STXBP6: variants seen among roughly 807,000 people sequenced by gnomAD.
The protein encoded by STXBP6 is syntaxin binding protein 6.
Under a neutral mutation model 26.9 loss-of-function variants are expected in STXBP6, and 21 were observed. The observed-to-expected ratio is 0.78, with a 90% CI of 0.55 to 1.12. The LOEUF (loss-of-function observed/expected upper bound fraction) is 1.12, where lower values mean the gene tolerates loss of function less well. STXBP6 is among the 50% of genes most tolerant of loss of function. The probability of loss-of-function intolerance (pLI) is 0.00; values close to 1 mark genes in which losing one functional copy is unlikely to be tolerated. For missense variants in STXBP6, 232 were observed against 257.9 expected (o/e 0.90, Z 0.69); for synonymous variants, 97 against 92.6 (o/e 1.05, Z -0.27).
chr14:24,876,765 G>C (rs754028902), intron 2 of STXBP6, among the ~76,000 whole-genome samples: 2 of 152,176 alleles, frequency 1.3e-5, no homozygotes, highest in Non-Finnish European at 2.9e-5. Context: ...GGTCTGCGAA[G>C]GCACTTACTG....
At chr14:25,028,431 A>T (rs2075389028) in intron 1 of STXBP6, among the ~76,000 whole-genome samples, 1 of 152,170 alleles carries the variant, frequency 6.6e-6, no homozygotes, top group Non-Finnish European at 1.5e-5. Context: ...GGAACAACAA[A>T]GCCTAGATGA....
intron 1 of STXBP6, among the ~76,000 whole-genome samples, chr14:25,015,695 T>C (rs2075132985): frequency 1.3e-5 from 2 of 152,140 alleles, no homozygotes; most frequent in Admixed American, 6.5e-5. Context: ...AGAAATTTGG[T>C]GTGGATAATT....
At chr14:24,846,478 C>G (rs2068966031) in intron 4 of STXBP6, among the ~76,000 whole-genome samples, 2 of 152,132 alleles carry the variant, frequency 1.3e-5, no homozygotes, top group Admixed American at 1.3e-4. Flanking sequence ...GTTTATTTGT[C>G]TACATACCAT....
chr14:24,973,223 T>C (rs892420794), intron 2 of STXBP6, among the ~76,000 whole-genome samples: 2 of 152,212 alleles, frequency 1.3e-5, no homozygotes, highest in Non-Finnish European at 2.9e-5. Context: ...ATTGAGGCCC[T>C]AGAATATGCC....
At chr14:25,036,214 CAAAAAAAAAAA>C (rs559433301) in intron 1 of STXBP6, among the ~76,000 whole-genome samples, 35 of 80,718 alleles carry the variant, frequency 4.3e-4, no homozygotes, top group African/African-American at 9.8e-4. Context: ...AAGACTCCAT[CAAAAAAAAAAA>C]AAAAAAAAAA....
At chr14:24,973,287 T>A (rs914696309) in intron 2 of STXBP6, among the ~76,000 whole-genome samples, 3 of 152,058 alleles carry the variant, frequency 2.0e-5, no homozygotes, top group African/African-American at 7.2e-5. Context: ...AATAACCCAA[T>A]TTTTTTATTA....
At chr14:24,933,639 T>C (rs898387779) in intron 2 of STXBP6, among the ~76,000 whole-genome samples, 1 of 152,204 alleles carries the variant, frequency 6.6e-6, no homozygotes, top group Admixed American at 6.5e-5. Context: ...CCTTGGGAAC[T>C]GAGATTATCT....
chr14:25,019,016 T>TAGG (rs760910704), intron 1 of STXBP6, among the ~76,000 whole-genome samples: 17 of 152,188 alleles, frequency 1.1e-4, no homozygotes, highest in Non-Finnish European at 2.4e-4. Flanking sequence ...CTCGGTAGGC[T>TAGG]TCTACCTCAT....
intron 1 of STXBP6, among the ~76,000 whole-genome samples, chr14:25,038,325 T>G (rs1210238720): frequency 6.6e-6 from 1 of 152,190 alleles, no homozygotes; most frequent in Non-Finnish European, 1.5e-5. Context: ...TCACTAAAGC[T>G]GAACATATTC....
At chr14:24,869,435 A>T (rs2069846797) in intron 2 of STXBP6, among the ~76,000 whole-genome samples, 1 of 152,180 alleles carries the variant, frequency 6.6e-6, no homozygotes, top group South Asian at 2.1e-4. Flanking sequence ...CATTCCCGAA[A>T]TAAATGATGC....
At chr14:24,911,486 G>T (rs1287588994) in intron 2 of STXBP6, among the ~76,000 whole-genome samples, 1 of 151,972 alleles carries the variant, frequency 6.6e-6, no homozygotes, top group African/African-American at 2.4e-5. Flanking sequence ...GCAGGAGGAT[G>T]TCCAAAGAAA....
intron 4 of STXBP6, among the ~76,000 whole-genome samples, chr14:24,842,531 G>C (rs1434154869): frequency 6.6e-6 from 1 of 152,130 alleles, no homozygotes; most frequent in East Asian, 1.9e-4. Flanking sequence ...ATGTGATAGA[G>C]CTAAAGGAGC....
In STXBP6 at chr14:24,862,828, C is replaced by T. The variant is rs551810160; in HGVS notation, c.155-5671G>A. Among the ~76,000 whole-genome samples the T allele has an allele frequency of 2.4e-4, 37 of 152,282 alleles. 2 individuals carry two copies. Among genetic ancestry groups the T allele is most frequent in the Admixed American group, 3.9e-4 (6 of 15,292 alleles). On this transcript the variant is annotated intron_variant, in intron 2 of 5. Coordinates refer to ENST00000323944, the MANE Select transcript of STXBP6 (RefSeq NM_001394410.1). ...GCTTTAATATGAAGGCACAGCACTA[C>T]GTCCAGAGTAGTTAGCAACTATGCA...
chr14:24,948,186 G>A (rs564668101), intron 2 of STXBP6, among the ~76,000 whole-genome samples: 3 of 151,958 alleles, frequency 2.0e-5, no homozygotes, highest in Non-Finnish European at 2.9e-5. Flanking sequence ...TCTACAATTC[G>A]TGAAGATCCA....
intron 2 of STXBP6, among the ~76,000 whole-genome samples, chr14:24,931,088 G>A (rs374040855): frequency 1.5e-4 from 19 of 129,848 alleles, no homozygotes; most frequent in African/African-American, 5.0e-4. Flanking sequence ...TCCGCAGTCC[G>A]GCCTGGGCGA....
chr14:24,818,393 G>A (rs117389057), intron 5 of STXBP6, among the ~76,000 whole-genome samples: 1,650 of 152,234 alleles, frequency 0.011, 12 homozygotes, highest in Middle Eastern at 0.041. Flanking sequence ...TGCAGAGTGC[G>A]CACTCAGTCA....
At chr14:24,869,431 C>T (rs761208064) in intron 2 of STXBP6, among the ~76,000 whole-genome samples, 42 of 152,066 alleles carry the variant, frequency 2.8e-4, no homozygotes, top group Non-Finnish European at 5.0e-4. Context: ...GAATCATTCC[C>T]GAAATAAATG....
At chr14:24,971,907 A>G (rs568408428) in intron 2 of STXBP6, among the ~76,000 whole-genome samples, 1 of 152,382 alleles carries the variant, frequency 6.6e-6, no homozygotes, top group African/African-American at 2.4e-5. Flanking sequence ...CACGGAACAT[A>G]GAATGCTTGG....
At chr14:24,966,585 T>C (rs1435079963) in intron 2 of STXBP6, among the ~76,000 whole-genome samples, 1 of 152,210 alleles carries the variant, frequency 6.6e-6, no homozygotes, top group Non-Finnish European at 1.5e-5. Context: ...ACCTATTCAA[T>C]GCTTACTTAT....
Sources: allele counts gnomAD v4.1 joint callset (sites outside exome capture counted in the v4.1 genomes callset), GRCh38; gene constraint gnomAD v4.1.1; transcripts MANE v1.5; gene names NCBI Gene and HGNC (gene_info 2026-07-23, HGNC 2026-07-21).